NCAM2: variants seen among roughly 807,000 people sequenced by gnomAD.
The protein encoded by NCAM2 is neural cell adhesion molecule 2.
Under a neutral mutation model 98.1 loss-of-function variants are expected in NCAM2, and 30 were observed. That is an observed-to-expected ratio of 0.31 (90% CI 0.23 to 0.41). NCAM2 has a LOEUF of 0.41. NCAM2 is among the 10% of genes least tolerant of loss of function. NCAM2 has a pLI of 1.00. For missense variants in NCAM2, 867 were observed against 1,005.8 expected, an observed-to-expected ratio of 0.86 and a Z score of 1.87; for synonymous variants, 368 against 342.4, an observed-to-expected ratio of 1.07 and a Z score of -0.83.
At chr21:21,350,527 T>G (rs2075306486) in intron 8 of NCAM2, among the ~76,000 whole-genome samples, 1 of 152,214 alleles carries the variant, frequency 6.6e-6, no homozygotes, top group Non-Finnish European at 1.5e-5. Context: ...TTTCTGATGC[T>G]AATAACCCTT....
At chr21:21,274,369 T>A (rs1291275391) in intron 1 of NCAM2, among the ~76,000 whole-genome samples, 4 of 152,114 alleles carry the variant, frequency 2.6e-5, no homozygotes, top group Admixed American at 6.6e-5. Flanking sequence ...ATAAAAATAA[T>A]TTTTAAAAAA....
In NCAM2 at chr21:21,258,727, T is replaced by TC. The variant is rs1269161439; in HGVS notation, c.56-21847dup. 3.3e-5 allele frequency among the ~76,000 whole-genome samples: 5 copies of TC among 152,052 alleles called. No individual in the cohort carries two copies. In the East Asian group the frequency reaches 9.8e-4, roughly 30 times the overall value. ...GTGCACGCATGGTGGGCCACTGCCC[T>TC]CCCCAGGGAACCTCCACCCTTGAGT... On this transcript the variant is annotated intron_variant, in intron 1 of 17. Transcript: ENST00000400546.
chr21:21,272,524 A>G (rs918465509), intron 1 of NCAM2, among the ~76,000 whole-genome samples: 7 of 151,940 alleles, frequency 4.6e-5, no homozygotes, highest in African/African-American at 1.5e-4. Flanking sequence ...ACACACACAC[A>G]CACACACACT....
chr21:21,246,716 A>G (rs2071284790), intron 1 of NCAM2, among the ~76,000 whole-genome samples: 1 of 152,194 alleles, frequency 6.6e-6, no homozygotes, highest in African/African-American at 2.4e-5. Flanking sequence ...ATGAAAAGTT[A>G]TCTGTTCAAT....
intron 5 of NCAM2, 26 bp downstream of exon 5, chr21:21,292,267 T>G: frequency 6.3e-7 from 1 of 1,587,978 alleles, no homozygotes; most frequent in Non-Finnish European, 8.6e-7. Flanking sequence ...TTTGTACATG[T>G]TTTATGGATT....
intron 1 of NCAM2, among the ~76,000 whole-genome samples, chr21:21,089,849 T>A (rs913780199): frequency 5.3e-5 from 8 of 152,202 alleles, no homozygotes; most frequent in Non-Finnish European, 1.5e-5. Context: ...CTTGTGTGCA[T>A]GGAACAGCAA....
intron 1 of NCAM2, among the ~76,000 whole-genome samples, chr21:21,062,614 TTTG>T (rs2065346469): frequency 6.6e-6 from 1 of 152,218 alleles, no homozygotes; most frequent in East Asian, 1.9e-4. Flanking sequence ...GAGATAAATT[TTTG>T]TTGTTTAAGC....
intron 1 of NCAM2, among the ~76,000 whole-genome samples, chr21:21,144,578 A>G (rs985167493): frequency 3.4e-4 from 51 of 150,490 alleles, no homozygotes; most frequent in African/African-American, 1.2e-3. Context: ...AAATCGATCT[A>G]CACATTTCAT....
At chr21:21,338,555 A>T in intron 8 of NCAM2, 21 bp downstream of exon 8, 2 of 1,564,590 alleles carry the variant, frequency 1.3e-6, no homozygotes, top group Non-Finnish European at 1.7e-6. Flanking sequence ...CTCAATATGT[A>T]ATGGTTTCCA....
chr21:21,444,717 TC>T (rs2146096707), intron 12 of NCAM2, among the ~76,000 whole-genome samples: 1 of 152,278 alleles, frequency 6.6e-6, no homozygotes, highest in Non-Finnish European at 1.5e-5. Flanking sequence ...ACTTGATTCT[TC>T]TCTCTTTTCT....
chr21:21,276,090 A>G (rs1021512282), intron 1 of NCAM2, among the ~76,000 whole-genome samples: 2 of 151,998 alleles, frequency 1.3e-5, no homozygotes, highest in Admixed American at 6.6e-5. Context: ...AACAATATCT[A>G]TGGCATTTTT....
intron 1 of NCAM2, among the ~76,000 whole-genome samples, chr21:21,089,724 C>T (rs958182867): frequency 3.9e-5 from 6 of 152,154 alleles, no homozygotes; most frequent in Admixed American, 6.6e-5. Flanking sequence ...TCTACCATGA[C>T]TCTTTACCAA....
At chr21:21,398,777 AT>A (rs926703187) in intron 9 of NCAM2, among the ~76,000 whole-genome samples, 2 of 152,174 alleles carry the variant, frequency 1.3e-5, no homozygotes, top group African/African-American at 4.8e-5. Flanking sequence ...CATGAATGAT[AT>A]TTCTATATAT....
At chr21:21,348,506 T>A (rs2075248537) in intron 8 of NCAM2, among the ~76,000 whole-genome samples, 1 of 152,114 alleles carries the variant, frequency 6.6e-6, no homozygotes, top group South Asian at 2.1e-4. Flanking sequence ...TCAATATTTT[T>A]AAAATGTCCA....
chr21:21,187,647 A>G (rs1259686101), intron 1 of NCAM2, among the ~76,000 whole-genome samples: 1 of 152,224 alleles, frequency 6.6e-6, no homozygotes, highest in East Asian at 1.9e-4. Flanking sequence ...GAACTATGAC[A>G]TGACATAAAC....
chr21:21,032,506 A>G (rs928780397), intron 1 of NCAM2, among the ~76,000 whole-genome samples: 3 of 152,202 alleles, frequency 2.0e-5, no homozygotes, highest in Non-Finnish European at 2.9e-5. Flanking sequence ...CAGAAGCACC[A>G]TCAGCAAAGT....
chr21:21,435,626 G>A (rs1473235390), intron 12 of NCAM2, among the ~76,000 whole-genome samples: 1 of 152,074 alleles, frequency 6.6e-6, no homozygotes, highest in East Asian at 1.9e-4. Flanking sequence ...CAAATCTTAG[G>A]TATTTAATGT....
chr21:21,538,549 C>T lies in NCAM2; in HGVS notation c.*592C>T, dbSNP rs1990104719. 1 of 152,480 alleles carries T rather than the reference C, an allele frequency of 6.6e-6. No homozygotes were observed. The highest frequency in any genetic ancestry group is 1.5e-5 in the Non-Finnish European group (1 of 68,006). 9.4% of individuals were successfully genotyped at this position (152,480 alleles called of 1,614,324 possible). On this transcript the variant is annotated 3_prime_UTR_variant, in exon 18 of 18. Transcript: ENST00000400546. Reference sequence around the variant, plus strand: ...TTCAAGTTATGATTCAGTGCATTTTCAACATTGATTTTTGATAGACTGAAG... The same window carrying T: ...TTCAAGTTATGATTCAGTGCATTTTTAACATTGATTTTTGATAGACTGAAG...
At chr21:21,449,910 A>G (rs1980767477) in intron 12 of NCAM2, among the ~76,000 whole-genome samples, 1 of 152,046 alleles carries the variant, frequency 6.6e-6, no homozygotes, top group Admixed American at 6.6e-5. Flanking sequence ...AGATAATATT[A>G]TTAATTTTTC....
Sources: allele counts gnomAD v4.1 joint callset (sites outside exome capture counted in the v4.1 genomes callset), GRCh38; gene constraint gnomAD v4.1.1; transcripts MANE v1.5; gene names NCBI Gene and HGNC (gene_info 2026-07-23, HGNC 2026-07-21).